Variants in ERBB3 observed in about 807,000 individuals in gnomAD.
ERBB3 encodes the protein receptor tyrosine-protein kinase erbB-3.
In ERBB3, 96 loss-of-function variants were observed where a neutral mutation model predicts 156.7. That is an observed-to-expected ratio of 0.61 (90% CI 0.52 to 0.73). The LOEUF (loss-of-function observed/expected upper bound fraction) is 0.73. Ranked by LOEUF, ERBB3 falls within the 30% of genes least tolerant of loss-of-function variation. ERBB3 has a pLI of 0.00. For missense variants in ERBB3, 1,406 were observed against 1,709.4 expected, an observed-to-expected ratio of 0.82 and a Z score of 3.13; for synonymous variants, 567 against 632.0, an observed-to-expected ratio of 0.90 and a Z score of 1.54.
rs532910077 is a variant in ERBB3, at chr12:56,101,187, G to A, written c.3328G>A (p.Glu1110Lys). 4 of 1,614,138 alleles carry A rather than the reference G, an allele frequency of 2.5e-6. No homozygotes were observed. In the East Asian group the frequency reaches 6.7e-5, roughly 27 times the overall value. ...AACAGGCTCTGAGGCTGAGCTCCAG[G>A]AGAAAGTGTCAATGTGTAGGAGCCG... ...HVTGSEAELQ[E>K]KVSMCRSRSR... Residue 1110 changes from glutamate (E) to lysine (K), a missense_variant, in exon 27 of 28, where the codon GAG (glutamate) becomes AAG (lysine). By Grantham distance (56) the Glu-to-Lys change is moderately conservative. This residue lies in a region of ERBB3 where 415 missense variants were observed against 454.1 expected (regional missense o/e 0.91). Coordinates refer to ENST00000267101, the MANE Select transcript of ERBB3 (RefSeq NM_001982.4).
At chr12:56,096,151 A>G in intron 17 of ERBB3, 1 of 506,150 alleles carries the variant, frequency 2.0e-6, no homozygotes. Flanking sequence ...TGTAAGGGTA[A>G]AGGGGGATGA....
In ERBB3 at chr12:56,101,279, G is replaced by T. The variant is rs137983681; in HGVS notation, c.3420G>T (p.Leu1140=). ...ACCATTCCCAGCGCCACAGTCTGCT[G>T]ACTCCTGTTACCCCACTCTCCCCAC... ...SAYHSQRHSL[L]TPVTPLSPPG... is the part of the protein sequence containing the mutation. Residue 1140 remains leucine, a synonymous_variant, in exon 27 of 28, where the codon CTG becomes CTT. Coordinates refer to ENST00000267101, the MANE Select transcript of ERBB3 (RefSeq NM_001982.4). 4.8e-5 allele frequency: 77 copies of T among 1,614,048 alleles called. No homozygotes were observed. The African/African-American group carries it at 7.7e-4, about 16-fold the overall frequency.
At chr12:56,092,873 A>G (rs1422958377) in intron 10 of ERBB3, 53 bp downstream of exon 10, 2 of 1,567,016 alleles carry the variant, frequency 1.3e-6, no homozygotes, top group Admixed American at 3.3e-5. Flanking sequence ...CCACTGGCAT[A>G]AATTGCGGTA....
rs1431804680 is a variant in ERBB3, at chr12:56,102,010, C to T, written c.3984C>T (p.Tyr1328=). Residue 1328 remains tyrosine, a synonymous_variant, in exon 28 of 28, where the codon TAC becomes TAT. Transcript: ENST00000267101. ...ACTCTGCCTTTGATAACCCTGATTACTGGCATAGCAGGCTTTTCCCCAAGG... is the reference window on the plus strand; with the variant it reads ...ACTCTGCCTTTGATAACCCTGATTATTGGCATAGCAGGCTTTTCCCCAAGG... ...ATDSAFDNPD[Y]WHSRLFPKAN... is the part of the protein sequence containing the mutation. The T allele has an allele frequency of 6.2e-7, 1 of 1,613,206 alleles. No individual in the cohort carries two copies. The highest frequency in any genetic ancestry group is 8.5e-7 in the Non-Finnish European group (1 of 1,179,984).
chr12:56,084,604 A>AAT (rs1176044192), intron 2 of ERBB3, among the ~76,000 whole-genome samples: 2 of 151,558 alleles, frequency 1.3e-5, no homozygotes, highest in Admixed American at 6.6e-5. Context: ...TCACCAAAAA[A>AAT]AAAAAAAAAG....
At chr12:56,096,881 G>C in intron 19 of ERBB3, 35 bp downstream of exon 19, 1 of 1,511,890 alleles carries the variant, frequency 6.6e-7, no homozygotes, top group African/African-American at 1.4e-5. Context: ...CGCTAGGAGA[G>C]AGGACAATAT....
At chr12:56,086,686 A>C (rs1174228522) in intron 4 of ERBB3, 30 bp downstream of exon 4, 1 of 1,613,636 alleles carries the variant, frequency 6.2e-7, no homozygotes, top group Non-Finnish European at 8.5e-7. Context: ...ATTGCTCCCC[A>C]GTCCCACCAA....
At chr12:56,091,893 T>C (rs1478561393) in intron 9 of ERBB3, among the ~76,000 whole-genome samples, 1 of 152,112 alleles carries the variant, frequency 6.6e-6, no homozygotes, top group Non-Finnish European at 1.5e-5. Flanking sequence ...CTTCTGCATT[T>C]GTTTGTTGGC....
intron 18 of ERBB3, 53 bp downstream of exon 18, chr12:56,096,675 G>A (rs1012754970): frequency 2.5e-6 from 4 of 1,613,918 alleles, no homozygotes; most frequent in Admixed American, 1.7e-5. Flanking sequence ...TAGGGCAAAG[G>A]GGTGAAAGAT....
At position 56,101,422 on chromosome 12, in the gene ERBB3, C is replaced by CTTG. The variant is rs893409435; in HGVS notation, c.3502+63_3502+64insGTT. ...CCTCGAATTCTTTCCCCGGGCTCCT[C>CTTG]TTTTTTCTTCTCTGATCATATGCCT... On this transcript the variant is annotated intron_variant, in intron 27 of 27. Transcript: ENST00000267101. 121 of 1,601,246 alleles carry CTTG rather than the reference C, an allele frequency of 7.6e-5. No homozygotes were observed. The African/African-American group carries it at 1.2e-3, about 16-fold the overall frequency.
At chr12:56,086,327 G>A (rs558470428) in intron 3 of ERBB3, among the ~76,000 whole-genome samples, 1 of 152,186 alleles carries the variant, frequency 6.6e-6, no homozygotes, top group African/African-American at 2.4e-5. Context: ...ATCTGGACAG[G>A]TGACTGAGGA....
chr12:56,091,412 T>TACA (rs1184233128), intron 9 of ERBB3, among the ~76,000 whole-genome samples: 1 of 99,816 alleles, frequency 1.0e-5, no homozygotes, highest in Admixed American at 1.3e-4. Flanking sequence ...ATATATATAT[T>TACA]TTTTTTTTTT....
intron 1 of ERBB3, among the ~76,000 whole-genome samples, chr12:56,080,702 T>A (rs553870326): frequency 2.2e-4 from 33 of 152,286 alleles, no homozygotes; most frequent in African/African-American, 7.9e-4. Flanking sequence ...GGGAACTTCA[T>A]TCTGTAAACA....
At chr12:56,080,880 A>T (rs1205507522) in intron 1 of ERBB3, among the ~76,000 whole-genome samples, 2 of 152,186 alleles carry the variant, frequency 1.3e-5, no homozygotes, top group Non-Finnish European at 2.9e-5. Context: ...TTGGAAAAAC[A>T]GGAGCGGCAC....
intron 20 of ERBB3, 25 bp downstream of exon 20, chr12:56,097,255 G>C: frequency 6.2e-7 from 1 of 1,610,280 alleles, no homozygotes. Context: ...GAGGAATTCT[G>C]TGATAAGAAC....
Position 56,099,666 on chromosome 12 carries a change from A to C in ERBB3, c.2858A>C (p.Asn953Thr). Residue 953 changes from asparagine to threonine, a missense_variant, in exon 24 of 28, where the codon AAC becomes ACC. Around this residue, in one of 3 missense-constraint regions of ERBB3, gnomAD observed 979 missense variants for 1,219.6 expected, o/e 0.80. Transcript: ENST00000267101. The stretch of plus-strand genomic sequence containing the variant: ...TCTCCAGGTTGGATGATTGATGAGA[A>C]CATTCGCCCAACCTTTAAAGAACTA... ...VMVKCWMIDE[N>T]IRPTFKELAN... 1 of 1,614,080 alleles carries C rather than the reference A, an allele frequency of 6.2e-7. No homozygotes were observed. The highest frequency in any genetic ancestry group is 8.5e-7 in the Non-Finnish European group (1 of 1,179,958).
chr12:56,090,700 A>C (rs971500412), intron 9 of ERBB3, among the ~76,000 whole-genome samples: 26 of 135,048 alleles, frequency 1.9e-4, no homozygotes, highest in African/African-American at 4.0e-4. Flanking sequence ...GTCTCTCTCT[A>C]CACACACACA....
At position 56,087,726 on chromosome 12, in the gene ERBB3, A is replaced by G. The variant is rs909479927; in HGVS notation, c.614-69A>G. ...CAAGCCTGGGTCAACACTGTGGGGG[A>G]GGCATGAGCAGTGGCCTCAGAATTC... is the stretch of plus-strand genomic sequence containing the variant. On this transcript the variant is annotated intron_variant, in intron 5 of 27. Transcript: ENST00000267101. 2.5e-6 allele frequency: 4 copies of G among 1,577,298 alleles called. No homozygotes were observed. In the African/African-American group the frequency reaches 4.1e-5, roughly 16 times the overall value.
In ERBB3 at chr12:56,088,005, C is replaced by T. The variant is rs1868545030; in HGVS notation, c.733-16C>T. On this transcript the variant is annotated splice_polypyrimidine_tract_variant and intron_variant, in intron 6 of 27. Coordinates refer to ENST00000267101, the MANE Select transcript of ERBB3 (RefSeq NM_001982.4). ...ACACACGTAACATAAATCTGATGAG[C>T]CTCCTTTTTTCCCAGGCCTGCCGGC... The T allele has an allele frequency of 1.2e-6, 2 of 1,614,120 alleles. No homozygotes were observed. Among genetic ancestry groups the T allele is most frequent in the Non-Finnish European group, 1.7e-6 (2 of 1,180,020 alleles).
Sources: allele counts gnomAD v4.1 joint callset (sites outside exome capture counted in the v4.1 genomes callset), GRCh38; gene constraint gnomAD v4.1.1; regional missense constraint gnomAD v4.1.1; transcripts MANE v1.5; gene names NCBI Gene and HGNC (gene_info 2026-07-23, HGNC 2026-07-21).